ALKBH8: variants seen among roughly 807,000 people sequenced by gnomAD.
ALKBH8 encodes tRNA (carboxymethyluridine(34)-5-O)-methyltransferase ALKBH8.
In ALKBH8, 36 loss-of-function variants were observed where a neutral mutation model predicts 59.8. The observed-to-expected ratio is 0.60, with a 90% CI of 0.46 to 0.79. The LOEUF (loss-of-function observed/expected upper bound fraction) is 0.79, where lower values mean the gene tolerates loss of function less well. Ranked by LOEUF, ALKBH8 falls within the 30% of genes least tolerant of loss-of-function variation. ALKBH8 has a pLI of 0.00. For missense variants in ALKBH8, 768 were observed against 801.0 expected (o/e 0.96, Z 0.50); for synonymous variants, 276 against 273.6 (o/e 1.01, Z -0.09).
intron 7 of ALKBH8, among the ~76,000 whole-genome samples, chr11:107,538,325 C>T (rs2037825): frequency 0.25 from 38,082 of 151,842 alleles, 5,534 homozygotes; most frequent in East Asian, 0.47. Flanking sequence ...AAAGTATTTT[C>T]AGTATCATCA....
At chr11:107,552,902 G>C (rs1864553904) in intron 5 of ALKBH8, among the ~76,000 whole-genome samples, 1 of 152,094 alleles carries the variant, frequency 6.6e-6, no homozygotes, top group Non-Finnish European at 1.5e-5. Context: ...TGGGAATAAG[G>C]ATAATAATGA....
intron 7 of ALKBH8, among the ~76,000 whole-genome samples, chr11:107,539,875 G>A (rs909853140): frequency 6.6e-6 from 1 of 152,120 alleles, no homozygotes; most frequent in South Asian, 2.1e-4. Context: ...GTGACTAAAA[G>A]AAAACAAGTT....
chr11:107,530,529 CTT>C (rs1266873238), intron 8 of ALKBH8, among the ~76,000 whole-genome samples: 1 of 151,630 alleles, frequency 6.6e-6, no homozygotes, highest in Non-Finnish European at 1.5e-5. Context: ...CTCTCTCTCT[CTT>C]TCTTGCCTCT....
intron 9 of ALKBH8, among the ~76,000 whole-genome samples, chr11:107,525,005 C>T (rs955728045): frequency 2.0e-5 from 3 of 152,124 alleles, no homozygotes; most frequent in Non-Finnish European, 4.4e-5. Context: ...CATAAACTGT[C>T]GCTTATCTCC....
At position 107,549,816 on chromosome 11, in the gene ALKBH8, G is replaced by A. The variant is rs538358474; in HGVS notation, c.708C>T (p.Pro236=). The A allele has an allele frequency of 2.5e-4, 394 of 1,547,450 alleles. No individual in the cohort carries two copies. The highest frequency in any genetic ancestry group is 3.3e-4 in the Non-Finnish European group (379 of 1,143,720). ...INQYEPGQGI[P]AHIDTHSAFE... is the part of the protein sequence containing the mutation. ...AAGCGGAATGTGTATCAATATGAGC[G>A]GGAATTCCTGAGATGGAAAACAGGA... is the stretch of plus-strand genomic sequence containing the variant. The change falls in exon 7 of 12, where the codon CCC becomes CCT. Residue 236 remains proline, a synonymous_variant. Transcript: ENST00000428149.
At chr11:107,551,650 C>A (rs112870957) in intron 6 of ALKBH8, among the ~76,000 whole-genome samples, 158 bp downstream of exon 6, 1 of 149,290 alleles carries the variant, frequency 6.7e-6, no homozygotes, top group Non-Finnish European at 1.5e-5. Flanking sequence ...ACCGAGACCA[C>A]GCCGTTGCAC....
At chr11:107,531,594 C>T (rs1863596759) in intron 8 of ALKBH8, among the ~76,000 whole-genome samples, 1 of 152,158 alleles carries the variant, frequency 6.6e-6, no homozygotes, top group Non-Finnish European at 1.5e-5. Context: ...AGCACTATAA[C>T]ATACAACTAG....
chr11:107,532,220 G>T, intron 8 of ALKBH8, 80 bp downstream of exon 8: 1 of 1,172,174 alleles, frequency 8.5e-7, no homozygotes, highest in East Asian at 2.6e-5. Context: ...GCAGGCACAG[G>T]GCATGGTCCC....
intron 6 of ALKBH8, among the ~76,000 whole-genome samples, chr11:107,550,925 C>A (rs1319588548): frequency 6.6e-6 from 1 of 152,036 alleles, no homozygotes; most frequent in Non-Finnish European, 1.5e-5. Flanking sequence ...AACTTCCCAG[C>A]CTCTACACTG....
At chr11:107,506,976 A>G (rs1862414120) in intron 11 of ALKBH8, among the ~76,000 whole-genome samples, 1 of 143,618 alleles carries the variant, frequency 7.0e-6, no homozygotes, top group Non-Finnish European at 1.5e-5. Flanking sequence ...AATGTTATTA[A>G]TGAAGTCTTA....
chr11:107,535,207 C>T (rs536662076), intron 7 of ALKBH8, among the ~76,000 whole-genome samples: 198 of 152,292 alleles, frequency 1.3e-3, no homozygotes, highest in South Asian at 9.5e-3. Context: ...AATGGTGCTG[C>T]TATAAGCGTG....
rs181619028 is a variant in ALKBH8, at chr11:107,548,943, C to G, written c.771+810G>C. ...TCGGCTCACTGCAACCTCTGCCTCC[C>G]AGGTTCAAGTGATTCTCCTGCCTCA... On this transcript the variant is annotated intron_variant, in intron 7 of 11. Transcript: ENST00000428149. Among the ~76,000 whole-genome samples the G allele has an allele frequency of 4.6e-5, 7 of 152,110 alleles. 1 individual carries two copies. The highest frequency in any genetic ancestry group is 1.7e-4 in the African/African-American group (7 of 41,504).
chr11:107,547,123 A>G (rs1000090017), intron 7 of ALKBH8, among the ~76,000 whole-genome samples: 5 of 152,226 alleles, frequency 3.3e-5, no homozygotes, highest in African/African-American at 1.2e-4. Context: ...CAAAACAATA[A>G]TGCCACTGAC....
At chr11:107,549,895 G>T in intron 6 of ALKBH8, 72 bp from the exon 7 acceptor site, 2 of 1,085,650 alleles carry the variant, frequency 1.8e-6, no homozygotes, top group South Asian at 1.5e-5. Context: ...TATAAATGTA[G>T]CCTTATGCTA....
chr11:107,560,725 G>A (rs751770190), intron 2 of ALKBH8, 40 bp downstream of exon 2: 14 of 1,555,640 alleles, frequency 9.0e-6, no homozygotes, highest in East Asian at 4.5e-5. Context: ...TAACATGTCA[G>A]TACATTTACA....
At chr11:107,546,694 G>A (rs1864271821) in intron 7 of ALKBH8, among the ~76,000 whole-genome samples, 1 of 151,998 alleles carries the variant, frequency 6.6e-6, no homozygotes, top group Non-Finnish European at 1.5e-5. Context: ...GCTGTTAATT[G>A]CAGCTAAATC....
chr11:107,520,125 G>T (rs1315795154), intron 10 of ALKBH8, among the ~76,000 whole-genome samples: 1 of 152,174 alleles, frequency 6.6e-6, no homozygotes, highest in African/African-American at 2.4e-5. Flanking sequence ...ACATAGCACT[G>T]TATATATTTT....
rs1192699067 is a variant in ALKBH8, at chr11:107,556,866, A to G, written c.267T>C (p.Thr89=). 1 of 1,604,046 alleles carries G rather than the reference A, an allele frequency of 6.2e-7. No homozygotes were observed. The highest frequency in any genetic ancestry group is 8.5e-7 in the Non-Finnish European group (1 of 1,175,250). ...CATAGGCTCTCTTAGATTCTTCTGT[A>G]GTTCTGTATCTTGCAAATGAGTACG... The part of the protein sequence containing the change: ...NKPYSFARYR[T]TEESKRAYVT... Residue 89 remains threonine, a synonymous_variant, in exon 3 of 12, where the codon ACT becomes ACC. Coordinates refer to ENST00000428149, the MANE Select transcript of ALKBH8 (RefSeq NM_138775.3).
chr11:107,525,254 C>T lies in ALKBH8; in HGVS notation c.1030+187G>A, dbSNP rs531202955. Among the ~76,000 whole-genome samples the T allele has an allele frequency of 7.9e-5, 12 of 152,182 alleles. No homozygotes were observed. In the South Asian group the frequency reaches 1.2e-3, roughly 16 times the overall value. On this transcript the variant is annotated intron_variant, in intron 9 of 11. Transcript: ENST00000428149. ...AAAGATGAGAAGATGCAGACCCTTG[C>T]CTTCAAAGAATGTAAACTCTAATGA...
Sources: gnomAD v4.1 joint callset for allele counts (sites outside exome capture counted in the v4.1 genomes callset) on GRCh38, gnomAD v4.1.1 for gene constraint, MANE v1.5 for transcripts, NCBI Gene and HGNC (gene_info 2026-07-23, HGNC 2026-07-21) for gene names.